FER: variants seen among roughly 807,000 people sequenced by gnomAD.
FER encodes tyrosine-protein kinase Fer.
FER carries 63 observed loss-of-function variants against 111.0 expected under a neutral mutation model. That is an observed-to-expected ratio of 0.57 (90% confidence interval 0.46 to 0.70). The LOEUF is 0.70. Ranked by LOEUF, FER falls within the 30% of genes least tolerant of loss-of-function variation. FER has a pLI of 0.00. For missense variants in FER, 914 were observed against 954.0 expected, an observed-to-expected ratio of 0.96 and a Z score of 0.55; for synonymous variants, 327 against 313.9, an observed-to-expected ratio of 1.04 and a Z score of -0.44.
intron 17 of FER, among the ~76,000 whole-genome samples, chr5:109,133,055 GTAT>G (rs1752531589): frequency 6.6e-6 from 1 of 152,174 alleles, no homozygotes; most frequent in Non-Finnish European, 1.5e-5. Flanking sequence ...GATGTTCATA[GTAT>G]TTAAGTTGGG....
intron 3 of FER, among the ~76,000 whole-genome samples, chr5:108,818,496 G>A (rs1210555555): frequency 6.6e-6 from 1 of 151,926 alleles, no homozygotes; most frequent in Non-Finnish European, 1.5e-5. Flanking sequence ...TCAGGTAAAA[G>A]CAATATTTTT....
At chr5:108,771,700 A>T (rs1197916508) in intron 2 of FER, among the ~76,000 whole-genome samples, 4 of 152,230 alleles carry the variant, frequency 2.6e-5, no homozygotes, top group Non-Finnish European at 5.9e-5. Flanking sequence ...CACTGTTAAC[A>T]TTTTGCCACA....
intron 1 of FER, among the ~76,000 whole-genome samples, chr5:108,764,815 G>A (rs1239764630): frequency 6.6e-6 from 1 of 152,172 alleles, no homozygotes; most frequent in Non-Finnish European, 1.5e-5. Flanking sequence ...AGAGAAGTGG[G>A]GAGAGTAGAG....
At chr5:108,769,841 A>C (rs993547075) in intron 2 of FER, among the ~76,000 whole-genome samples, 16 of 152,210 alleles carry the variant, frequency 1.1e-4, no homozygotes, top group East Asian at 7.7e-4. Context: ...GCACTTAGCT[A>C]TAGTGCTAGA....
intron 16 of FER, among the ~76,000 whole-genome samples, chr5:109,096,852 A>G (rs1747594869): frequency 6.6e-6 from 1 of 151,688 alleles, no homozygotes; most frequent in African/African-American, 2.4e-5. Context: ...TAGATGTTAT[A>G]CAGCAAACAC....
intron 17 of FER, among the ~76,000 whole-genome samples, chr5:109,121,587 C>T (rs1318457888): frequency 1.3e-5 from 2 of 152,032 alleles, no homozygotes; most frequent in African/African-American, 2.4e-5. Context: ...GTTTTAGTAT[C>T]AGGTTAATAG....
chr5:109,037,523 T>C (rs778275717), intron 14 of FER, 45 bp downstream of exon 14: 14 of 1,501,884 alleles, frequency 9.3e-6, no homozygotes, highest in Non-Finnish European at 1.3e-5. Flanking sequence ...TCTATATTGA[T>C]TGTGAAGACT....
chr5:109,183,101 A>AT (rs918224586), intron 18 of FER, among the ~76,000 whole-genome samples: 3 of 152,162 alleles, frequency 2.0e-5, no homozygotes, highest in African/African-American at 4.8e-5. Context: ...GGAAGGAGAG[A>AT]TTTTGATATA....
intron 5 of FER, chr5:108,842,524 C>T (rs565853023): frequency 3.3e-5 from 5 of 151,950 alleles, no homozygotes; most frequent in South Asian, 4.1e-4. Context: ...GAATCTACAA[C>T]GAATCAGTAA....
At chr5:108,794,999 C>G (rs192563304) in intron 2 of FER, among the ~76,000 whole-genome samples, 6 of 152,156 alleles carry the variant, frequency 3.9e-5, no homozygotes, top group Admixed American at 2.0e-4. Flanking sequence ...TCTGTACCTC[C>G]TTTTTAATTC....
chr5:108,886,864 A>G (rs1307126958), intron 9 of FER, among the ~76,000 whole-genome samples: 1 of 151,740 alleles, frequency 6.6e-6, no homozygotes, highest in Non-Finnish European at 1.5e-5. Flanking sequence ...AAATGCAGAC[A>G]TTGGTAGGGT....
rs1759428110 is a variant in FER at position 109,192,146 on chromosome 5, C to G, written c.*4571C>G. ...TCCTGGTGTGCTAGATTCTTAGTCA[C>G]TTTAAACTGCATAGAAGTAATGAGC... On this transcript the variant is annotated 3_prime_UTR_variant, in exon 20 of 20. Transcript: ENST00000281092. 2 of 152,162 alleles carry G rather than the reference C, an allele frequency of 1.3e-5. No individual in the cohort carries two copies. Among genetic ancestry groups the G allele is most frequent in the Non-Finnish European group, 2.9e-5 (2 of 68,022 alleles). 9.4% of individuals were successfully genotyped at this position (152,162 alleles called of 1,614,324 possible).
At chr5:108,908,865 C>G (rs756991361) in intron 10 of FER, among the ~76,000 whole-genome samples, 8 of 152,088 alleles carry the variant, frequency 5.3e-5, no homozygotes. Context: ...ATGGAGAAAC[C>G]CTGTATCTAC....
intron 2 of FER, among the ~76,000 whole-genome samples, chr5:108,792,678 C>G (rs2150028697): frequency 1.4e-5 from 2 of 138,296 alleles, no homozygotes; most frequent in East Asian, 4.2e-4. Context: ...ACAAGTTTTG[C>G]TTTTTTTTTT....
chr5:108,752,485 A>C (rs894465734), intron 1 of FER, among the ~76,000 whole-genome samples: 27 of 152,060 alleles, frequency 1.8e-4, no homozygotes, highest in Non-Finnish European at 3.7e-4. Flanking sequence ...TTAAATTAGA[A>C]GAGGGCTCCT....
chr5:108,882,099 T>C (rs1765737799), intron 8 of FER, among the ~76,000 whole-genome samples: 1 of 152,174 alleles, frequency 6.6e-6, no homozygotes, highest in Admixed American at 6.6e-5. Flanking sequence ...AGTTTTTTGC[T>C]TTATAATCAA....
intron 3 of FER, among the ~76,000 whole-genome samples, chr5:108,829,740 C>T (rs1242754784): frequency 6.6e-6 from 1 of 152,056 alleles, no homozygotes; most frequent in Non-Finnish European, 1.5e-5. Context: ...TACTTCTTCC[C>T]TCTTTCCCTC....
chr5:108,946,042 A>T, intron 10 of FER, 88 bp from the exon 11 acceptor site: 1 of 792,330 alleles, frequency 1.3e-6, no homozygotes, highest in Non-Finnish European at 2.1e-6. Flanking sequence ...CATGATGGAT[A>T]AGCTGTGGAT....
At chr5:108,826,433 T>G (rs1418265250) in intron 3 of FER, among the ~76,000 whole-genome samples, 1 of 152,208 alleles carries the variant, frequency 6.6e-6, no homozygotes, top group African/African-American at 2.4e-5. Flanking sequence ...TTTTATTTTT[T>G]GTAGACATGG....
Sources: gnomAD v4.1 joint callset for allele counts (sites outside exome capture counted in the v4.1 genomes callset) on GRCh38, gnomAD v4.1.1 for gene constraint, MANE v1.5 for transcripts, NCBI Gene and HGNC (gene_info 2026-07-23, HGNC 2026-07-21) for gene names.